The following TBC1D5 variants were observed in gnomAD, a reference collection of about 807,000 sequenced individuals.
TBC1D5 encodes TBC1 domain family, member 5.
Under a neutral mutation model 100.3 loss-of-function variants are expected in TBC1D5, and 75 were observed. The observed-to-expected ratio is 0.75, with a 90% CI of 0.62 to 0.91. The LOEUF (loss-of-function observed/expected upper bound fraction) is 0.91. TBC1D5 is among the 40% of genes least tolerant of loss of function. The pLI is 0.00. For synonymous variants in TBC1D5, 323 were observed against 325.6 expected (o/e 0.99, Z 0.09); for missense variants, 910 against 942.4 (o/e 0.97, Z 0.45).
rs573731236 is a variant in TBC1D5, at chr3:17,598,467, T to C, written c.-36+25382A>G. On this transcript the variant is annotated intron_variant, in intron 2 of 21. Transcript: ENST00000253692. ...ATTCTCAGTTCCAGACTTCTTATTC[T>C]GCATCTCATTAACTACTCCTTATAT... Among the ~76,000 whole-genome samples the C allele has an allele frequency of 1.1e-4, 16 of 152,368 alleles. No individual in the cohort carries two copies. The South Asian group carries it at 3.1e-3, about 30-fold the overall frequency.
intron 16 of TBC1D5, among the ~76,000 whole-genome samples, chr3:17,241,953 A>T (rs1225723376): frequency 6.6e-6 from 1 of 152,248 alleles, no homozygotes; most frequent in Non-Finnish European, 1.5e-5. Context: ...AAAGAATCAA[A>T]TATAACATAT....
chr3:17,495,986 C>T (rs968767931), intron 3 of TBC1D5, among the ~76,000 whole-genome samples: 1 of 152,182 alleles, frequency 6.6e-6, no homozygotes, highest in African/African-American at 2.4e-5. Context: ...TTTACCTTTC[C>T]ATGTACTGGT....
chr3:17,721,475 GT>G (rs2075697528), intron 1 of TBC1D5, among the ~76,000 whole-genome samples: 1 of 151,866 alleles, frequency 6.6e-6, no homozygotes, highest in South Asian at 2.1e-4. Flanking sequence ...GTGTGTGTGT[GT>G]GTGTGTGTGT....
At chr3:17,279,063 T>A (rs977242655) in intron 15 of TBC1D5, among the ~76,000 whole-genome samples, 2 of 152,376 alleles carry the variant, frequency 1.3e-5, no homozygotes, top group East Asian at 3.9e-4. Context: ...AATGTTACCA[T>A]TACCTTGAAG....
chr3:17,188,201 A>G (rs933504431), intron 18 of TBC1D5, among the ~76,000 whole-genome samples: 2 of 152,166 alleles, frequency 1.3e-5, no homozygotes, highest in African/African-American at 4.8e-5. Flanking sequence ...TCTAACTTGT[A>G]TAGTTAATGG....
At chr3:17,528,813 T>C (rs544502051) in intron 2 of TBC1D5, among the ~76,000 whole-genome samples, 1 of 152,304 alleles carries the variant, frequency 6.6e-6, no homozygotes, top group African/African-American at 2.4e-5. Context: ...TAGAAACAAA[T>C]ATTTGAAAAT....
At chr3:17,570,958 AG>A (rs915150924) in intron 2 of TBC1D5, among the ~76,000 whole-genome samples, 1 of 152,020 alleles carries the variant, frequency 6.6e-6, no homozygotes, top group African/African-American at 2.4e-5. Flanking sequence ...CAGGTTTTCG[AG>A]GTGTTTCACC....
intron 3 of TBC1D5, among the ~76,000 whole-genome samples, chr3:17,440,179 G>C (rs1473033211): frequency 6.6e-6 from 1 of 152,148 alleles, no homozygotes; most frequent in East Asian, 1.9e-4. Context: ...TGTTATACAA[G>C]ATTACTATAA....
At chr3:17,448,866 C>G (rs1452659342) in intron 3 of TBC1D5, among the ~76,000 whole-genome samples, 1 of 152,232 alleles carries the variant, frequency 6.6e-6, no homozygotes, top group Non-Finnish European at 1.5e-5. Flanking sequence ...ACATTAGCCT[C>G]TAACAAGAGA....
At chr3:17,536,688 T>C (rs80108252) in intron 2 of TBC1D5, among the ~76,000 whole-genome samples, 4,600 of 152,162 alleles carry the variant, frequency 0.03, 224 homozygotes, top group African/African-American at 0.1. Context: ...GTTAGGGAGA[T>C]AGGAGTTACA....
chr3:17,443,882 C>T (rs537323163), intron 3 of TBC1D5, among the ~76,000 whole-genome samples: 3 of 152,244 alleles, frequency 2.0e-5, no homozygotes, highest in South Asian at 4.1e-4. Context: ...AGAAAAACAA[C>T]ATTTTAAAAA....
intron 3 of TBC1D5, among the ~76,000 whole-genome samples, chr3:17,466,190 T>A (rs2095298175): frequency 2.0e-5 from 3 of 152,096 alleles, no homozygotes; most frequent in Non-Finnish European, 4.4e-5. Context: ...GAAGAACACA[T>A]CCCAGTAAGA....
At chr3:17,199,134 C>A (rs762378465) in intron 18 of TBC1D5, among the ~76,000 whole-genome samples, 1 of 152,206 alleles carries the variant, frequency 6.6e-6, no homozygotes, top group African/African-American at 2.4e-5. Context: ...ATTAGGACTG[C>A]TCATTTATTT....
intron 13 of TBC1D5, among the ~76,000 whole-genome samples, chr3:17,366,822 A>G (rs990363315): frequency 5.3e-5 from 8 of 152,204 alleles, no homozygotes; most frequent in African/African-American, 1.9e-4. Flanking sequence ...ACTATGACAT[A>G]TTTTAAAATT....
intron 3 of TBC1D5, among the ~76,000 whole-genome samples, chr3:17,448,881 G>C (rs540768842): frequency 1.3e-5 from 2 of 152,226 alleles, no homozygotes; most frequent in Non-Finnish European, 2.9e-5. Flanking sequence ...AAGAGAGTCA[G>C]CCTGTCCTTT....
At chr3:17,342,610 T>A (rs1166262991) in intron 13 of TBC1D5, among the ~76,000 whole-genome samples, 1 of 152,222 alleles carries the variant, frequency 6.6e-6, no homozygotes, top group Admixed American at 6.5e-5. Flanking sequence ...TTTTTCCTTA[T>A]TCCAAAAGCA....
chr3:17,158,148 C>T (rs1421732001), exon 22 of TBC1D5: 1 of 152,224 alleles, frequency 6.6e-6, no homozygotes, highest in Non-Finnish European at 1.5e-5. Context: ...CTGTAACTCT[C>T]ACACGTAATG....
At chr3:17,281,958 T>C (rs766834711) in intron 15 of TBC1D5, among the ~76,000 whole-genome samples, 8 of 152,212 alleles carry the variant, frequency 5.3e-5, no homozygotes, top group Non-Finnish European at 5.9e-5. Context: ...ATCTTCAATT[T>C]CGTTAAATCA....
At chr3:17,408,401 T>C (rs1487539214) in intron 4 of TBC1D5, among the ~76,000 whole-genome samples, 8 of 151,906 alleles carry the variant, frequency 5.3e-5, no homozygotes. Context: ...CTTGAACTCC[T>C]TGGGCTCAAT....
Sources: gnomAD v4.1 joint callset for allele counts (sites outside exome capture counted in the v4.1 genomes callset) on GRCh38, gnomAD v4.1.1 for gene constraint, MANE v1.5 for transcripts, NCBI Gene and HGNC (gene_info 2026-07-23, HGNC 2026-07-21) for gene names.